The following FNIP2 variants were observed in gnomAD, a reference collection of about 807,000 sequenced individuals.
The protein encoded by FNIP2 is folliculin interacting protein 2, also known as folliculin-interacting protein 2.
FNIP2 carries 32 observed loss-of-function variants against 108.7 expected under a neutral mutation model. That is an observed-to-expected ratio of 0.29 (90% CI 0.22 to 0.40). FNIP2 has a LOEUF of 0.40. Among genes scored for constraint, FNIP2 ranks in the 10% least tolerant of loss-of-function variants. The pLI is 1.00. For synonymous variants in FNIP2, 480 were observed against 496.7 expected (o/e 0.97, Z 0.45); for missense variants, 1,202 against 1,381.6 (o/e 0.87, Z 2.06).
chr4:158,840,891 A>G (rs1278813141), intron 7 of FNIP2, among the ~76,000 whole-genome samples: 1 of 152,238 alleles, frequency 6.6e-6, no homozygotes, highest in Non-Finnish European at 1.5e-5. Context: ...TGTTCTTAAA[A>G]GTGGTAAAAT....
intron 14 of FNIP2, among the ~76,000 whole-genome samples, chr4:158,880,336 C>T (rs971263546): frequency 2.6e-5 from 4 of 152,062 alleles, no homozygotes; most frequent in Admixed American, 6.5e-5. Context: ...AGCAAACTAT[C>T]GCAAGGACAG....
chr4:158,806,237 C>G, intron 1 of FNIP2: 2 of 1,288,954 alleles, frequency 1.6e-6, no homozygotes, highest in Middle Eastern at 2.1e-4. Flanking sequence ...GAACATTAAA[C>G]CGTTCAGGAG....
At chr4:158,771,132 A>G (rs1775685464) in intron 1 of FNIP2, among the ~76,000 whole-genome samples, 1 of 152,108 alleles carries the variant, frequency 6.6e-6, no homozygotes, top group Non-Finnish European at 1.5e-5. Flanking sequence ...TTTTGACCTC[A>G]TTGGGATTTT....
chr4:158,776,693 G>A (rs921714726), intron 1 of FNIP2, among the ~76,000 whole-genome samples: 3 of 152,208 alleles, frequency 2.0e-5, no homozygotes, highest in African/African-American at 7.2e-5. Flanking sequence ...GATAGTTACA[G>A]CATGGCTGTG....
intron 8 of FNIP2, among the ~76,000 whole-genome samples, chr4:158,857,917 C>T (rs991449995): frequency 3.3e-5 from 5 of 152,278 alleles, no homozygotes; most frequent in Admixed American, 3.3e-4. Context: ...CACTGCACCC[C>T]AGCGTGGGTG....
chr4:158,818,171 C>A (rs1368643289), intron 1 of FNIP2, among the ~76,000 whole-genome samples: 1 of 152,206 alleles, frequency 6.6e-6, no homozygotes, highest in Non-Finnish European at 1.5e-5. Flanking sequence ...GTGACACATA[C>A]GATAATGTTT....
Position 158,832,101 on chromosome 4 carries a change from T to G in FNIP2, c.517T>G (p.Ser173Ala), listed in dbSNP as rs1778518024. 1.9e-6 allele frequency: 3 copies of G among 1,613,818 alleles called. No individual in the cohort carries two copies. The highest frequency in any genetic ancestry group is 2.5e-6 in the Non-Finnish European group (3 of 1,179,852). Residue 173 changes from serine to alanine, a missense_variant, in exon 5 of 17, where the codon TCT becomes GCT. Transcript: ENST00000264433. The stretch of plus-strand genomic sequence containing the variant: ...ACAACTGATGATTAGTAAAGTCTTC[T>G]CTGCTAGAATGGGCAGCTTCTGTGG... ...PPQLMISKVFSARMGSFCGST... is the reference protein window; with the variant it reads ...PPQLMISKVFAARMGSFCGST...
At chr4:158,864,412 G>A (rs1317113790) in intron 12 of FNIP2, among the ~76,000 whole-genome samples, 1 of 152,108 alleles carries the variant, frequency 6.6e-6, no homozygotes, top group South Asian at 2.1e-4. Flanking sequence ...TAATAAAGAT[G>A]CAATAAGTTA....
In FNIP2 at chr4:158,859,888, T is replaced by C. The variant is rs1780186424; in HGVS notation, c.1148+222T>C. Among the ~76,000 whole-genome samples the C allele has an allele frequency of 2.0e-5, 3 of 152,206 alleles. No homozygotes were observed. The South Asian group carries it at 6.2e-4, about 32-fold the overall frequency. On this transcript the variant is annotated intron_variant, in intron 10 of 16. Coordinates refer to ENST00000264433, the MANE Select transcript of FNIP2 (RefSeq NM_020840.3). Reference sequence around the variant, plus strand: ...AACCGACAGTCCCTGATAGGATTGTTTTTAACAGGATGAATGGGGAAAACT... The same window carrying C: ...AACCGACAGTCCCTGATAGGATTGTCTTTAACAGGATGAATGGGGAAAACT...
At chr4:158,881,578 G>A (rs1402377371) in intron 14 of FNIP2, among the ~76,000 whole-genome samples, 5 of 152,050 alleles carry the variant, frequency 3.3e-5, no homozygotes, top group African/African-American at 1.2e-4. Context: ...AGCCTGCCAA[G>A]TGCCTGTGAT....
chr4:158,859,780 G>C (rs1780180070), intron 10 of FNIP2, 114 bp downstream of exon 10: 1 of 874,788 alleles, frequency 1.1e-6, no homozygotes. Context: ...TCACTTTTGT[G>C]GTTCCGCCCT....
intron 10 of FNIP2, among the ~76,000 whole-genome samples, chr4:158,860,135 T>C (rs1780198100): frequency 6.6e-6 from 1 of 152,104 alleles, no homozygotes; most frequent in Non-Finnish European, 1.5e-5. Flanking sequence ...GTGTCTAGAG[T>C]CCTTGCTCCT....
At chr4:158,883,024 A>AT in intron 14 of FNIP2, among the ~76,000 whole-genome samples, 1 of 151,972 alleles carries the variant, frequency 6.6e-6, no homozygotes, top group Non-Finnish European at 1.5e-5. Context: ...AAATTTATAT[A>AT]TTACTCATTT....
At chr4:158,806,196 A>G in intron 1 of FNIP2, 1 of 1,269,674 alleles carries the variant, frequency 7.9e-7, no homozygotes, top group Non-Finnish European at 1.0e-6. Flanking sequence ...TTTGTCTCCA[A>G]GTCCATGTTT....
At chr4:158,846,126 G>C (rs184033943) in intron 7 of FNIP2, among the ~76,000 whole-genome samples, 1 of 152,270 alleles carries the variant, frequency 6.6e-6, no homozygotes, top group African/African-American at 2.4e-5. Flanking sequence ...ACTGGGTTAA[G>C]TGTTGTATGT....
At chr4:158,895,376 CA>C (rs1782580672) in intron 15 of FNIP2, among the ~76,000 whole-genome samples, 1 of 152,090 alleles carries the variant, frequency 6.6e-6, no homozygotes, top group Non-Finnish European at 1.5e-5. Context: ...TGTAAATTCA[CA>C]TTCTCAATAT....
At chr4:158,904,370 T>C (rs1372562218) in intron 16 of FNIP2, 96 bp from the exon 17 acceptor site, 2 of 1,080,650 alleles carry the variant, frequency 1.9e-6, no homozygotes, top group Non-Finnish European at 2.8e-6. Context: ...TCAAACTTAG[T>C]ACCTAGAAAT....
At chr4:158,815,971 A>G (rs1003593279) in intron 1 of FNIP2, among the ~76,000 whole-genome samples, 1 of 152,122 alleles carries the variant, frequency 6.6e-6, no homozygotes, top group Non-Finnish European at 1.5e-5. Flanking sequence ...TTTGTTTCCA[A>G]ACAGTGCTGC....
intron 1 of FNIP2, among the ~76,000 whole-genome samples, chr4:158,788,587 A>G (rs1578824621): frequency 6.6e-6 from 1 of 152,286 alleles, no homozygotes; most frequent in South Asian, 2.1e-4. Context: ...CAGCTTCTGG[A>G]GTTGTAACAC....
Sources: allele counts gnomAD v4.1 joint callset (sites outside exome capture counted in the v4.1 genomes callset), GRCh38; gene constraint gnomAD v4.1.1; transcripts MANE v1.5; gene names NCBI Gene and HGNC (gene_info 2026-07-23, HGNC 2026-07-21).